MED14: variants seen among roughly 807,000 people sequenced by gnomAD.
MED14 encodes mediator complex subunit 14.
A neutral mutation model predicts 109.0 loss-of-function variants in MED14; 8 were observed. The observed-to-expected ratio is 0.07, with a 90% CI of 0.04 to 0.13. MED14 has a LOEUF of 0.13. MED14 is among the 10% of genes least tolerant of loss of function. MED14 has a pLI of 1.00. For missense variants in MED14, 711 were observed against 1,142.4 expected (o/e 0.62, Z 5.44); for synonymous variants, 399 against 408.7 (o/e 0.98, Z 0.29).
At chrX:40,703,635 T>A in intron 10 of MED14, 66 bp from the exon 11 acceptor site, 2 of 912,557 alleles carry the variant, frequency 2.2e-6, no homozygotes, top group Non-Finnish European at 3.0e-6. Flanking sequence ...TATTTCTCAA[T>A]CAATGAGTAC....
intron 19 of MED14, 24 bp downstream of exon 19, chrX:40,681,827 AC>A (rs758661374): frequency 2.3e-5 from 19 of 821,150 alleles, no homozygotes; most frequent in Admixed American, 3.3e-5. Context: ...TAAGACAGGA[AC>A]TTCAGCATTT....
chrX:40,658,688 CAAAAAAA>C (rs60449902), intron 28 of MED14, among the ~76,000 whole-genome samples: 2 of 21,632 alleles, frequency 9.2e-5, no homozygotes, highest in Non-Finnish European at 1.6e-4. Flanking sequence ...CCGTCTCTAC[CAAAAAAA>C]AAAAAAAAAA....
chrX:40,702,597 C>T (rs1392992932), intron 11 of MED14, among the ~76,000 whole-genome samples: 1 of 111,367 alleles, frequency 9.0e-6, no homozygotes, highest in African/African-American at 3.3e-5. Flanking sequence ...TCGCCCACTT[C>T]GGCCTCCCAA....
chrX:40,668,239 C>T (rs1929581333), intron 23 of MED14, among the ~76,000 whole-genome samples: 1 of 109,781 alleles, frequency 9.1e-6, no homozygotes, highest in African/African-American at 3.3e-5. Context: ...AAACATTAGC[C>T]AGGCACAGTG....
intron 19 of MED14, among the ~76,000 whole-genome samples, chrX:40,681,225 C>T (rs1930101411): frequency 8.9e-6 from 1 of 111,802 alleles, no homozygotes; most frequent in African/African-American, 3.2e-5. Context: ...AAGAGTCACA[C>T]TTTTGGTACC....
At chrX:40,659,145 G>A in intron 28 of MED14, 82 bp downstream of exon 28, 1 of 565,728 alleles carries the variant, frequency 1.8e-6, no homozygotes. Context: ...ACATAGATGG[G>A]TGAAAACCAA....
At chrX:40,699,865 G>A (rs967677381) in intron 12 of MED14, among the ~76,000 whole-genome samples, 2 of 110,055 alleles carry the variant, frequency 1.8e-5, no homozygotes, top group African/African-American at 3.3e-5. Flanking sequence ...CATGCCCTGC[G>A]CTGGGCACGG....
At chrX:40,656,473 T>C (rs1053345171) in intron 28 of MED14, among the ~76,000 whole-genome samples, 2 of 112,427 alleles carry the variant, frequency 1.8e-5, no homozygotes, top group African/African-American at 6.5e-5. Context: ...AGTACTCTCA[T>C]TGCTGGTGGG....
chrX:40,667,426 C>T (rs1471581491), intron 23 of MED14, among the ~76,000 whole-genome samples: 1 of 111,727 alleles, frequency 9.0e-6, no homozygotes, highest in African/African-American at 3.3e-5. Flanking sequence ...TGAGATATTC[C>T]AGCCAAACAG....
chrX:40,703,392 T>A, intron 11 of MED14, 52 bp downstream of exon 11: 1 of 1,054,185 alleles, frequency 9.5e-7, no homozygotes. Flanking sequence ...ATTTTGTTTT[T>A]GTTAAAAATA....
At chrX:40,709,896 T>A in intron 9 of MED14, 83 bp downstream of exon 9, 1 of 615,065 alleles carries the variant, frequency 1.6e-6, no homozygotes, top group Non-Finnish European at 2.4e-6. Flanking sequence ...TAGATATTTT[T>A]AAAAATTTGT....
At chrX:40,680,226 C>T (rs1463510196) in intron 20 of MED14, 93 bp from the exon 21 acceptor site, 36 of 929,485 alleles carry the variant, frequency 3.9e-5, no homozygotes, top group Non-Finnish European at 4.9e-5. Flanking sequence ...AATGAAACAA[C>T]GTCCTTCTGG....
rs757037865 is a variant in MED14 at position 40,713,948 on chromosome X, G to A, written c.523-41C>T. On this transcript the variant is annotated intron_variant, in intron 4 of 30. Transcript: ENST00000324817. ...AGTGATTTTTAAATAATGTACAAAC[G>A]GGGATTTTTTTTTTCAATCTTTTCC... 15 of 1,167,913 alleles carry A rather than the reference G, an allele frequency of 1.3e-5. 1 individual carries two copies. The South Asian group carries it at 2.6e-4, about 21-fold the overall frequency.
At position 40,664,308 on chromosome X, in the gene MED14, T is replaced by C. The variant is rs140362534; in HGVS notation, c.3447A>G (p.Thr1149=). The change falls in exon 25 of 31, where the codon ACA becomes ACG. Residue 1149 remains threonine (T), a splice_region_variant and synonymous_variant. Coordinates refer to ENST00000324817, the MANE Select transcript of MED14 (RefSeq NM_004229.4). ...CATAAAAATGTTGATGATACTTACTTGTTCCAGCTCGAGGGGAATGAGAAG... is the reference window on the plus strand; with the variant it reads ...CATAAAAATGTTGATGATACTTACTCGTTCCAGCTCGAGGGGAATGAGAAG... ...PDASHSPRAG[T]SSQTMPTNMP... 212 of 1,195,433 alleles carry C rather than the reference T, an allele frequency of 1.8e-4. No homozygotes were observed. The highest frequency in any genetic ancestry group is 2.3e-4 in the Non-Finnish European group (202 of 889,198).
Position 40,703,449 on chromosome X carries a change from C to T in MED14, c.1406G>A (p.Gly469Glu). Residue 469 changes from glycine to glutamate, a missense_variant, in exon 11 of 31, where the codon GGA becomes GAA. Coordinates refer to ENST00000324817, the MANE Select transcript of MED14 (RefSeq NM_004229.4). ...HSGMFQLMLY[G>E]LDQATLDDME... ...TATATCATTTAGTAACTTACCAAGTCCATAAAGCATCAATTGAAACATTCC... is the reference window on the plus strand; with the variant it reads ...TATATCATTTAGTAACTTACCAAGTTCATAAAGCATCAATTGAAACATTCC... 8.4e-7 allele frequency: 1 copy of T among 1,192,144 alleles called. No individual in the cohort carries two copies. The highest frequency in any genetic ancestry group is 1.8e-5 in the South Asian group (1 of 55,398).
chrX:40,702,353 T>TG (rs1569292120), intron 11 of MED14, among the ~76,000 whole-genome samples: 1 of 102,711 alleles, frequency 9.7e-6, no homozygotes, highest in African/African-American at 3.7e-5. Context: ...TTTGTTTTTT[T>TG]TTTTTTTTTT....
intron 30 of MED14, among the ~76,000 whole-genome samples, chrX:40,653,089 ATCC>A (rs1928930651): frequency 8.9e-6 from 1 of 112,675 alleles, no homozygotes; most frequent in Non-Finnish European, 1.9e-5. Flanking sequence ...AACTTGCTTG[ATCC>A]CAATAGGATC....
At chrX:40,659,691 C>T in intron 26 of MED14, 84 bp from the exon 27 acceptor site, 1 of 958,005 alleles carries the variant, frequency 1.0e-6, no homozygotes, top group Non-Finnish European at 1.4e-6. Flanking sequence ...AAAGGAAAAC[C>T]ACTAAGTTGA....
intron 18 of MED14, 50 bp from the exon 19 acceptor site, chrX:40,681,993 TA>T (rs1369410852): frequency 3.3e-6 from 2 of 608,937 alleles, no homozygotes; most frequent in African/African-American, 4.8e-5. Flanking sequence ...TGTAAAATTT[TA>T]AAATATAAAT....
Sources: allele counts gnomAD v4.1 joint callset (sites outside exome capture counted in the v4.1 genomes callset), GRCh38; gene constraint gnomAD v4.1.1; transcripts MANE v1.5; gene names NCBI Gene and HGNC (gene_info 2026-07-23, HGNC 2026-07-21).